UGT8: variants seen among roughly 807,000 people sequenced by gnomAD.
UGT8 encodes the protein 2-hydroxyacylsphingosine 1-beta-galactosyltransferase.
A neutral mutation model predicts 40.5 loss-of-function variants in UGT8; 12 were observed. That is an observed-to-expected ratio of 0.30 (90% confidence interval 0.19 to 0.48). The LOEUF is 0.48. Among genes scored for constraint, UGT8 ranks in the 20% least tolerant of loss-of-function variants. The probability of loss-of-function intolerance (pLI) is 0.99; values close to 1 mark genes in which losing one functional copy is unlikely to be tolerated. For synonymous variants in UGT8, 224 were observed against 240.4 expected, an observed-to-expected ratio of 0.93 and a Z score of 0.63; for missense variants, 513 against 648.7, an observed-to-expected ratio of 0.79 and a Z score of 2.27.
intron 1 of UGT8, among the ~76,000 whole-genome samples, chr4:114,610,210 C>T (rs982468055): frequency 2.6e-5 from 4 of 152,114 alleles, no homozygotes; most frequent in African/African-American, 4.8e-5. Flanking sequence ...ACTCTGCCAG[C>T]GAATAACTGA....
At chr4:114,600,805 T>C (rs1730398406) in intron 1 of UGT8, among the ~76,000 whole-genome samples, 2 of 152,190 alleles carry the variant, frequency 1.3e-5, no homozygotes, top group African/African-American at 4.8e-5. Context: ...AGAAACTGTC[T>C]CTTGGTGGTT....
Position 114,677,516 on chromosome 4 carries a change from C to A in UGT8, c.*1228C>A, listed in dbSNP as rs182294495. ...GTTCCTGTCATCTTCCTCATTCACT[C>A]AGCCCTCACCCCAGCAGCCTTTTCC... On this transcript the variant is annotated 3_prime_UTR_variant, in exon 6 of 6. Coordinates refer to ENST00000310836, the MANE Select transcript of UGT8 (RefSeq NM_001128174.3). 1 of 152,384 alleles carries A rather than the reference C, an allele frequency of 6.6e-6. No homozygotes were observed. The highest frequency in any genetic ancestry group is 6.5e-5 in the Admixed American group (1 of 15,298). The allele number at this position is 152,384 out of a possible 1,614,324, so 9.4% of individuals were successfully genotyped here.
Position 114,623,510 on chromosome 4 carries a change from G to T in UGT8, c.630G>T (p.Leu210=), listed in dbSNP as rs749061254. The T allele has an allele frequency of 3.3e-5, 54 of 1,613,982 alleles. No individual in the cohort carries two copies. The highest frequency in any genetic ancestry group is 1.8e-5 in the Non-Finnish European group (21 of 1,180,020). The change falls in exon 2 of 6, where the codon CTG becomes CTT. Residue 210 remains leucine, a synonymous_variant. Coordinates refer to ENST00000310836, the MANE Select transcript of UGT8 (RefSeq NM_001128174.3). ...TTTCCAGATTAGGGGTCAGCTTTCT[G>T]GTTCTTCCCAAATATGAAAGGATAA... ...YLISRLGVSF[L]VLPKYERIMQ...
At chr4:114,627,038 C>T (rs1360619178) in intron 2 of UGT8, among the ~76,000 whole-genome samples, 2 of 152,054 alleles carry the variant, frequency 1.3e-5, no homozygotes, top group Non-Finnish European at 2.9e-5. Context: ...TAGAAATGTG[C>T]CTGGAAAGAC....
At chr4:114,627,474 G>T (rs894528748) in intron 2 of UGT8, among the ~76,000 whole-genome samples, 5 of 151,892 alleles carry the variant, frequency 3.3e-5, no homozygotes, top group African/African-American at 1.2e-4. Flanking sequence ...TAGCCAGGAT[G>T]GTCTCGATCT....
At chr4:114,638,052 A>T (rs1732996092) in intron 2 of UGT8, among the ~76,000 whole-genome samples, 1 of 152,204 alleles carries the variant, frequency 6.6e-6, no homozygotes, top group East Asian at 1.9e-4. Flanking sequence ...TACATATATG[A>T]TATACATTTA....
intron 1 of UGT8, among the ~76,000 whole-genome samples, chr4:114,610,083 T>A (rs889407365): frequency 2.6e-5 from 4 of 152,164 alleles, no homozygotes; most frequent in African/African-American, 9.7e-5. Context: ...TATCACAGAA[T>A]TCAATAAAAA....
chr4:114,647,536 T>G (rs988299705), intron 2 of UGT8, among the ~76,000 whole-genome samples: 9 of 152,074 alleles, frequency 5.9e-5, no homozygotes, highest in Admixed American at 2.0e-4. Context: ...GCTAATTTTT[T>G]TGTATTTTTA....
chr4:114,633,071 C>G (rs1732673687), intron 2 of UGT8, among the ~76,000 whole-genome samples: 1 of 152,088 alleles, frequency 6.6e-6, no homozygotes, highest in African/African-American at 2.4e-5. Context: ...AACTTTTTCA[C>G]ATGTATAACA....
intron 2 of UGT8, among the ~76,000 whole-genome samples, chr4:114,642,343 G>A (rs1005070180): frequency 7.2e-5 from 11 of 152,168 alleles, no homozygotes; most frequent in East Asian, 3.9e-4. Flanking sequence ...AAGTGAGAAA[G>A]CACCATTTTC....
chr4:114,626,887 A>G (rs1732258132), intron 2 of UGT8, among the ~76,000 whole-genome samples: 1 of 152,254 alleles, frequency 6.6e-6, no homozygotes, highest in Non-Finnish European at 1.5e-5. Flanking sequence ...AAATGAAACC[A>G]TATGGACTCT....
In UGT8 at chr4:114,637,388, T is replaced by G. The variant is rs116162689; in HGVS notation, c.822+13686T>G. On this transcript the variant is annotated intron_variant, in intron 2 of 5. Transcript: ENST00000310836. The stretch of plus-strand genomic sequence containing the variant: ...TAGACTGTACATATTTTGTTGAGTA[T>G]GTGTTCTTGTTTAGAAATATACATT... Among the ~76,000 whole-genome samples the G allele has an allele frequency of 7.2e-3, 1,099 of 152,362 alleles. 16 individuals carry two copies. The highest frequency in any genetic ancestry group is 0.024 in the African/African-American group (1,018 of 41,584).
At chr4:114,609,573 A>G (rs528591948) in intron 1 of UGT8, among the ~76,000 whole-genome samples, 1 of 151,916 alleles carries the variant, frequency 6.6e-6, no homozygotes, top group African/African-American at 2.4e-5. Context: ...TGCCTCTTGT[A>G]GGGAATTCAG....
intron 2 of UGT8, among the ~76,000 whole-genome samples, chr4:114,638,797 G>T (rs985109344): frequency 6.6e-6 from 1 of 152,152 alleles, no homozygotes; most frequent in Admixed American, 6.5e-5. Context: ...ACTAAGTTTT[G>T]TAGGTCTGTT....
At chr4:114,643,720 G>A (rs1029375684) in intron 2 of UGT8, among the ~76,000 whole-genome samples, 23 of 151,752 alleles carry the variant, frequency 1.5e-4, no homozygotes, top group African/African-American at 4.8e-4. Flanking sequence ...AAGACACTAA[G>A]CATATTACAT....
rs564680019 is a variant in UGT8 at position 114,657,533 on chromosome 4, T to A, written c.823-6462T>A. ...CTTCTAGATGATCTGGGAAATCATTTGAGTTTTCTGAAAAACTGAAAACTA... is the reference window on the plus strand; with the variant it reads ...CTTCTAGATGATCTGGGAAATCATTAGAGTTTTCTGAAAAACTGAAAACTA... On this transcript the variant is annotated intron_variant, in intron 2 of 5. Transcript: ENST00000310836. Among the ~76,000 whole-genome samples the A allele has an allele frequency of 1.8e-4, 27 of 152,328 alleles. No individual in the cohort carries two copies. In the South Asian group the frequency reaches 1.9e-3, roughly 11 times the overall value.
intron 2 of UGT8, chr4:114,656,781 A>C (rs1734216466): frequency 1.9e-6 from 1 of 523,732 alleles, no homozygotes. Flanking sequence ...GAGTAGATAA[A>C]ATATTGGTAC....
chr4:114,640,001 A>G (rs1173025302), intron 2 of UGT8, among the ~76,000 whole-genome samples: 1 of 149,130 alleles, frequency 6.7e-6, no homozygotes, highest in Non-Finnish European at 1.5e-5. Context: ...GATCTTATAG[A>G]TTGATAGTTT....
chr4:114,634,813 C>T (rs753994901), intron 2 of UGT8, among the ~76,000 whole-genome samples: 3 of 152,068 alleles, frequency 2.0e-5, no homozygotes, highest in Non-Finnish European at 4.4e-5. Flanking sequence ...AGGGCTTGGA[C>T]GGTCTTTAAA....
Sources: allele counts gnomAD v4.1 joint callset (sites outside exome capture counted in the v4.1 genomes callset), GRCh38; gene constraint gnomAD v4.1.1; transcripts MANE v1.5; gene names NCBI Gene and HGNC (gene_info 2026-07-23, HGNC 2026-07-21).